TCEANC2: variants seen among roughly 807,000 people sequenced by gnomAD.
TCEANC2 encodes transcription elongation factor A N-terminal and central domain-containing protein 2.
In TCEANC2, 20 loss-of-function variants were observed where a neutral mutation model predicts 22.8. The ratio of observed to expected loss-of-function variants is 0.88; its 90% CI spans 0.62 to 1.28. The LOEUF (loss-of-function observed/expected upper bound fraction) is 1.28. TCEANC2 is among the 50% of genes most tolerant of loss of function. The probability of loss-of-function intolerance (pLI) is 0.00; values close to 1 mark genes in which losing one functional copy is unlikely to be tolerated. For synonymous variants in TCEANC2, 84 were observed against 95.5 expected (o/e 0.88, Z 0.70); for missense variants, 251 against 249.7 (o/e 1.01, Z -0.03).
In TCEANC2 at chr1:54,096,406, A is replaced by C; in HGVS notation, c.560A>C (p.Glu187Ala). 1.2e-6 allele frequency: 2 copies of C among 1,613,624 alleles called. No individual in the cohort carries two copies. Among genetic ancestry groups the C allele is most frequent in the Non-Finnish European group, 1.7e-6 (2 of 1,179,476 alleles). ...ALVFTLKHRA[E>A]IRAQVKSGSL... ...GTCTTCACATTAAAGCACCGAGCTG[A>C]AATCCGGGCTCAGGTGAAGAGCGGC... is the stretch of plus-strand genomic sequence containing the variant. Residue 187 changes from glutamate (E) to alanine (A), a missense_variant, in exon 5 of 5, where the codon GAA becomes GCA. Transcript: ENST00000234827. This position sits in a 1 kb window ranked among gnomAD's most constrained non-coding sequence, Gnocchi z 4.9.
intron 1 of TCEANC2, chr1:54,054,150 C>T (rs536669579): frequency 1.2e-4 from 118 of 1,012,724 alleles, no homozygotes; most frequent in Non-Finnish European, 1.5e-4. Flanking sequence ...CTAGAGCGTG[C>T]ACTTCTGGAA....
chr1:54,063,009 A>G (rs1657887350), intron 2 of TCEANC2, among the ~76,000 whole-genome samples: 1 of 152,240 alleles, frequency 6.6e-6, no homozygotes, highest in Non-Finnish European at 1.5e-5. Flanking sequence ...CTTGAAAGCA[A>G]GAAAGGGAAA....
chr1:54,062,492 T>C (rs1041078032), intron 2 of TCEANC2, among the ~76,000 whole-genome samples: 1 of 152,360 alleles, frequency 6.6e-6, no homozygotes, highest in East Asian at 1.9e-4. Context: ...GAAATAGTTT[T>C]GTTCAGTTAC....
chr1:54,108,710 T>C (rs1315062643), downstream of TCEANC2, among the ~76,000 whole-genome samples: 2 of 152,162 alleles, frequency 1.3e-5, no homozygotes, highest in South Asian at 4.2e-4. Context: ...TGGTGGCTCA[T>C]GCCTGTAATC....
In TCEANC2 at chr1:54,098,986, A is replaced by G; in HGVS notation, c.*2513A>G. ...ACTGGCAGGAGAGTAGCTGGAGATGAGGCAGGAGAGGAAGGCAAGGACCAG... is the reference window on the plus strand; with the variant it reads ...ACTGGCAGGAGAGTAGCTGGAGATGGGGCAGGAGAGGAAGGCAAGGACCAG... On this transcript the variant is annotated 3_prime_UTR_variant, in exon 5 of 5. Coordinates refer to ENST00000234827, the MANE Select transcript of TCEANC2 (RefSeq NM_153035.3). The G allele has an allele frequency of 6.5e-6, 1 of 152,784 alleles. No individual in the cohort carries two copies. Among genetic ancestry groups the G allele is most frequent in the Non-Finnish European group, 1.5e-5 (1 of 68,374 alleles). 9.5% of individuals were successfully genotyped at this position (152,784 alleles called of 1,614,324 possible).
downstream of TCEANC2, among the ~76,000 whole-genome samples, chr1:54,110,743 TC>T (rs368672744): frequency 1.4e-4 from 22 of 152,160 alleles, no homozygotes; most frequent in Non-Finnish European, 1.0e-4. Context: ...TCCATCTTTG[TC>T]CTACCCCTGG....
rs1216875129 is a variant in TCEANC2, at chr1:54,059,169, TC to T, written c.102+4646del. On this transcript the variant is annotated intron_variant, in intron 2 of 4. Coordinates refer to ENST00000234827, the MANE Select transcript of TCEANC2 (RefSeq NM_153035.3). ...TGAGTTTTCTTTTTTTTTTTTTTTT[TC>T]AACTCAGAGTCTTGCTCTATCACCC... Among the ~76,000 whole-genome samples the T allele has an allele frequency of 3.7e-3, 553 of 150,430 alleles. 1 individual carries two copies. Among genetic ancestry groups the T allele is most frequent in the South Asian group, 0.015 (70 of 4,764 alleles).
At chr1:54,080,021 C>T (rs982884732) in intron 3 of TCEANC2, among the ~76,000 whole-genome samples, 1 of 152,074 alleles carries the variant, frequency 6.6e-6, no homozygotes, top group Non-Finnish European at 1.5e-5. Flanking sequence ...GTTTAGTCAC[C>T]AACTAAATTA....
At chr1:54,054,895 T>C (rs530025892) in intron 2 of TCEANC2, among the ~76,000 whole-genome samples, 2 of 152,366 alleles carry the variant, frequency 1.3e-5, no homozygotes, top group South Asian at 4.1e-4. Context: ...TTCTCTCACA[T>C]CTGTCACACT....
At chr1:54,066,660 G>T (rs1657962996) in intron 2 of TCEANC2, among the ~76,000 whole-genome samples, 1 of 152,166 alleles carries the variant, frequency 6.6e-6, no homozygotes, top group South Asian at 2.1e-4. Flanking sequence ...TATTAAAACA[G>T]ATCAACCAAC....
At chr1:54,074,548 C>T (rs539506786) in intron 3 of TCEANC2, among the ~76,000 whole-genome samples, 22 of 151,610 alleles carry the variant, frequency 1.5e-4, no homozygotes, top group Middle Eastern at 3.4e-3. Flanking sequence ...AATCCAGAAA[C>T]ACACCAGTAT....
downstream of TCEANC2, among the ~76,000 whole-genome samples, chr1:54,107,704 AT>A (rs764712723): frequency 9.8e-5 from 15 of 152,302 alleles, no homozygotes; most frequent in South Asian, 1.4e-3. Context: ...GTGATCATAA[AT>A]TCATATAATG....
Position 54,068,847 on chromosome 1 carries a change from A to G in TCEANC2, c.194A>G (p.Glu65Gly). 6.2e-7 allele frequency: 1 copy of G among 1,611,414 alleles called. No individual in the cohort carries two copies. The highest frequency in any genetic ancestry group is 8.5e-7 in the Non-Finnish European group (1 of 1,179,134). Residue 65 changes from glutamate (E) to glycine (G), a missense_variant, in exon 3 of 5, where the codon GAA (glutamate) becomes GGA (glycine). Glu to Gly is a moderately conservative substitution (Grantham distance 98, BLOSUM62 -2). Coordinates refer to ENST00000234827, the MANE Select transcript of TCEANC2 (RefSeq NM_153035.3). ...TKENLVEALQ[E>G]LKKKIPSREV... ...GAGAATCTTGTTGAAGCCTTACAAGAATTAAAGAAGAAAATACCCTCCAGG... is the reference window on the plus strand; with the variant it reads ...GAGAATCTTGTTGAAGCCTTACAAGGATTAAAGAAGAAAATACCCTCCAGG...
At chr1:54,084,678 A>G (rs1658304716) in intron 3 of TCEANC2, among the ~76,000 whole-genome samples, 1 of 152,070 alleles carries the variant, frequency 6.6e-6, no homozygotes, top group Non-Finnish European at 1.5e-5. Flanking sequence ...CCTGGCCAAC[A>G]TGGCAAAACC....
chr1:54,075,088 G>A (rs773473048), intron 3 of TCEANC2, among the ~76,000 whole-genome samples: 90 of 152,172 alleles, frequency 5.9e-4, no homozygotes, highest in Admixed American at 2.4e-3. Flanking sequence ...TTTGATCTGT[G>A]TTTTATAGAA....
intron 2 of TCEANC2, among the ~76,000 whole-genome samples, chr1:54,057,156 A>G (rs1657766079): frequency 6.6e-6 from 1 of 151,766 alleles, no homozygotes; most frequent in Admixed American, 6.6e-5. Context: ...TCCGTATACC[A>G]AGTAACTGGG....
rs1658555155 is a variant in TCEANC2, at chr1:54,096,416, T to C, written c.570T>C (p.Ala190=). 6.2e-7 allele frequency: 1 copy of C among 1,613,364 alleles called. No homozygotes were observed. Among genetic ancestry groups the C allele is most frequent in the South Asian group, 1.1e-5 (1 of 91,082 alleles). Residue 190 remains alanine (A), a synonymous_variant, in exon 5 of 5, where the codon GCT becomes GCC. Coordinates refer to ENST00000234827, the MANE Select transcript of TCEANC2 (RefSeq NM_153035.3). This position sits in a 1 kb window ranked among gnomAD's most constrained non-coding sequence, Gnocchi z 4.9. The part of the protein sequence containing the change: ...FTLKHRAEIR[A]QVKSGSLPVG... Reference sequence around the variant, plus strand: ...TAAAGCACCGAGCTGAAATCCGGGCTCAGGTGAAGAGCGGCTCGCTGCCAG... The same window carrying C: ...TAAAGCACCGAGCTGAAATCCGGGCCCAGGTGAAGAGCGGCTCGCTGCCAG...
rs1182091440 is a variant in TCEANC2, at chr1:54,097,922, A to G, written c.*1449A>G. The G allele has an allele frequency of 6.6e-6, 1 of 152,196 alleles. No individual in the cohort carries two copies. Among genetic ancestry groups the G allele is most frequent in the African/African-American group, 2.4e-5 (1 of 41,442 alleles). The allele number at this position is 152,196 out of a possible 1,614,324, so 9.4% of individuals were successfully genotyped here. On this transcript the variant is annotated 3_prime_UTR_variant, in exon 5 of 5. Transcript: ENST00000234827. ...GGTAACCATTTTACAAAAAGAAAAT[A>G]CCCAGTTAAACATGAGAAAAGTGAG... is the stretch of plus-strand genomic sequence containing the variant.
intron 2 of TCEANC2, among the ~76,000 whole-genome samples, chr1:54,061,715 G>T (rs931439077): frequency 1.3e-5 from 2 of 151,986 alleles, no homozygotes; most frequent in African/African-American, 4.8e-5. Flanking sequence ...AGATAATCTG[G>T]GTTCATAGTC....
Sources: gnomAD v4.1 joint callset for allele counts (sites outside exome capture counted in the v4.1 genomes callset) on GRCh38, gnomAD v4.1.1 for gene constraint, Gnocchi (gnomAD v3.1) non-coding constraint, MANE v1.5 for transcripts, NCBI Gene and HGNC (gene_info 2026-07-23, HGNC 2026-07-21) for gene names.